The following VGLL2 variants were observed in gnomAD, a reference collection of about 807,000 sequenced individuals.
VGLL2 encodes vestigial like family member 2.
A neutral mutation model predicts 27.0 loss-of-function variants in VGLL2; 18 were observed. That is an observed-to-expected ratio of 0.67 (90% CI 0.46 to 0.99). The LOEUF (loss-of-function observed/expected upper bound fraction) is 0.99. Among genes scored for constraint, VGLL2 ranks in the 50% least tolerant of loss-of-function variants. VGLL2 has a pLI of 0.00. For missense variants in VGLL2, 491 were observed against 452.3 expected (o/e 1.09, Z -0.78); for synonymous variants, 220 against 201.1 (o/e 1.09, Z -0.80).
chr6:117,268,501 G>A lies in VGLL2; in HGVS notation c.391+10G>A. 1 of 1,584,726 alleles carries A rather than the reference G, an allele frequency of 6.3e-7. No individual in the cohort carries two copies. Among genetic ancestry groups the A allele is most frequent in the Non-Finnish European group, 8.6e-7 (1 of 1,165,134 alleles). Reference sequence around the variant, plus strand: ...TCTGGGCCCTGGCGAGGTGAGTATAGGGCCCTGCTGGGAAGGACCCATAGG... The same window carrying A: ...TCTGGGCCCTGGCGAGGTGAGTATAAGGCCCTGCTGGGAAGGACCCATAGG... On this transcript the variant is annotated intron_variant, in intron 2 of 3. Coordinates refer to ENST00000326274, the MANE Select transcript of VGLL2 (RefSeq NM_182645.3).
Position 117,270,695 on chromosome 6 carries a change from C to G in VGLL2, c.544C>G (p.Leu182Val), listed in dbSNP as rs1163980417. 1.9e-6 allele frequency: 3 copies of G among 1,538,972 alleles called. No individual in the cohort carries two copies. Among genetic ancestry groups the G allele is most frequent in the Admixed American group, 3.8e-5 (2 of 52,902 alleles). The change falls in exon 3 of 4, where the codon CTG becomes GTG. Residue 182 changes from leucine (L) to valine (V), a missense_variant. By Grantham distance (32) the Leu-to-Val change is conservative. Transcript: ENST00000326274. ...AAADPYSPAA[L>V]HGHLHQGATE... Reference sequence around the variant, plus strand: ...CGCCGACCCCTACTCGCCCGCCGCGCTGCATGGCCACCTGCACCAGGGCGC... The same window carrying G: ...CGCCGACCCCTACTCGCCCGCCGCGGTGCATGGCCACCTGCACCAGGGCGC...
chr6:117,266,050 A>AAGC (rs1773061812), intron 1 of VGLL2, among the ~76,000 whole-genome samples: 1 of 152,234 alleles, frequency 6.6e-6, no homozygotes, highest in South Asian at 2.1e-4. Context: ...TGCTCTCGGG[A>AAGC]AGCAGCTAAG....
At chr6:117,268,113 G>T in intron 1 of VGLL2, 69 bp from the exon 2 acceptor site, 1 of 1,468,542 alleles carries the variant, frequency 6.8e-7, no homozygotes, top group Non-Finnish European at 9.4e-7. Flanking sequence ...TAGGATGAGG[G>T]AATCAGTCTG....
chr6:117,272,323 G>T, intron 3 of VGLL2, 131 bp from the exon 4 acceptor site: 1 of 1,535,392 alleles, frequency 6.5e-7, no homozygotes, highest in Non-Finnish European at 8.8e-7. Flanking sequence ...GCAGCCTCAG[G>T]ACAAAAGCAA....
Position 117,268,496 on chromosome 6 carries a change from G to A in VGLL2, c.391+5G>A. 1 of 1,596,252 alleles carries A rather than the reference G, an allele frequency of 6.3e-7. No homozygotes were observed. The highest frequency in any genetic ancestry group is 8.5e-7 in the Non-Finnish European group (1 of 1,170,940). ...GGAGCTCTGGGCCCTGGCGAGGTGA[G>A]TATAGGGCCCTGCTGGGAAGGACCC... On this transcript the variant is annotated splice_donor_5th_base_variant and intron_variant, in intron 2 of 3. Transcript: ENST00000326274.
At position 117,273,504 on chromosome 6, in the gene VGLL2, TG is replaced by T. The variant is rs1398092653; in HGVS notation, c.*1013del. 1 of 152,194 alleles carries T rather than the reference TG, an allele frequency of 6.6e-6. No individual in the cohort carries two copies. The highest frequency in any genetic ancestry group is 1.5e-5 in the Non-Finnish European group (1 of 68,052). The allele number at this position is 152,194 out of a possible 1,614,324, so 9.4% of individuals were successfully genotyped here. On this transcript the variant is annotated 3_prime_UTR_variant, in exon 4 of 4. Coordinates refer to ENST00000326274, the MANE Select transcript of VGLL2 (RefSeq NM_182645.3). ...TGGGACAGGGGAAAGGGTCTGTGCG[TG>T]GGCAAAGCTGAAGGTGATGAGGAAG...
chr6:117,271,001 G>A lies in VGLL2; in HGVS notation c.850G>A (p.Gly284Arg), dbSNP rs1162789322. 6.5e-6 allele frequency: 8 copies of A among 1,231,902 alleles called. No individual in the cohort carries two copies. Among genetic ancestry groups the A allele is most frequent in the African/African-American group, 1.6e-5 (1 of 63,904 alleles). The allele number at this position is 1,231,902 out of a possible 1,614,324, so 76.3% of individuals were successfully genotyped here. A position where few individuals can be genotyped will look rare whatever the true frequency, so the allele number is the denominator to read the frequency against. Residue 284 changes from glycine to arginine, a missense_variant, in exon 3 of 4, where the codon GGG (glycine) becomes AGG (arginine). By Grantham distance (125) the Gly-to-Arg change is moderately radical (BLOSUM62 -2). Transcript: ENST00000326274. ...GGCGGGCGCCGCGTGGGCCGGGCCC[G>A]GGGGACCCTTCGCGAGCCCCTCGGG... ...EPAGAAWAGP[G>R]GPFASPSGDV...
At chr6:117,268,092 A>G in intron 1 of VGLL2, 90 bp from the exon 2 acceptor site, 4 of 1,333,338 alleles carry the variant, frequency 3.0e-6, no homozygotes, top group Non-Finnish European at 4.2e-6. Context: ...CCCCATAAAT[A>G]CCTTAGAGAT....
chr6:117,265,883 GC>G (rs775298351), intron 1 of VGLL2, 39 bp downstream of exon 1: 10 of 1,581,232 alleles, frequency 6.3e-6, no homozygotes, highest in South Asian at 1.1e-5. Flanking sequence ...AGGAGTGCGC[GC>G]CCCCCGTTTG....
At chr6:117,269,615 G>A (rs892042717) in intron 2 of VGLL2, among the ~76,000 whole-genome samples, 3 of 152,012 alleles carry the variant, frequency 2.0e-5, no homozygotes, top group Non-Finnish European at 4.4e-5. Flanking sequence ...CTAGTTTATC[G>A]TGCAGATGCC....
Position 117,272,493 on chromosome 6 carries a change from G to A in VGLL2, c.953G>A (p.Ter318=). 1.9e-6 allele frequency: 3 copies of A among 1,614,152 alleles called. No individual in the cohort carries two copies. Among genetic ancestry groups the A allele is most frequent in the Non-Finnish European group, 2.5e-6 (3 of 1,180,028 alleles). ...CTCTGTGGTGCATCCCTCCTGAGCT[G>A]ATCTGCTGACCCAGGGTTTCCCCTT... is the stretch of plus-strand genomic sequence containing the variant. ...YSLCGASLLS[*] Residue 318 remains the stop codon, a stop_retained_variant, in exon 4 of 4, where the codon TGA becomes TAA. Transcript: ENST00000326274.
At chr6:117,267,946 G>A (rs999244033) in intron 1 of VGLL2, among the ~76,000 whole-genome samples, 1 of 152,204 alleles carries the variant, frequency 6.6e-6, no homozygotes, top group African/African-American at 2.4e-5. Context: ...AGGAGTCAGA[G>A]GGACCAAGGA....
Position 117,265,789 on chromosome 6 carries a change from A to G in VGLL2, c.26A>G (p.Gln9Arg), listed in dbSNP as rs1773054632. Residue 9 changes from glutamine (Q) to arginine (R), a missense_variant, in exon 1 of 4, where the codon CAA (glutamine) becomes CGA (arginine). Physicochemically the swap from Gln to Arg is conservative, Grantham distance 43. Coordinates refer to ENST00000326274, the MANE Select transcript of VGLL2 (RefSeq NM_182645.3). ...ATGAGCTGTCTGGATGTTATGTACC[A>G]AGTCTATGGTCCTCCGCAGCCCTAC... is the stretch of plus-strand genomic sequence containing the variant. Reference protein sequence around the residue: MSCLDVMYQVYGPPQPYFA... With the variant: MSCLDVMYRVYGPPQPYFA... 6.2e-7 allele frequency: 1 copy of G among 1,613,988 alleles called. No homozygotes were observed. Among genetic ancestry groups the G allele is most frequent in the Non-Finnish European group, 8.5e-7 (1 of 1,179,994 alleles).
In VGLL2 at chr6:117,270,881, A is replaced by T. The variant is rs1480159563; in HGVS notation, c.730A>T (p.Met244Leu). The T allele has an allele frequency of 7.5e-7, 1 of 1,324,928 alleles. No individual in the cohort carries two copies. The highest frequency in any genetic ancestry group is 9.6e-7 in the Non-Finnish European group (1 of 1,037,472). The allele number at this position is 1,324,928 out of a possible 1,614,324, so 82.1% of individuals were successfully genotyped here. Reference protein sequence around the residue: ...HFDPRYGPLLMPAASGRPARL... With the variant: ...HFDPRYGPLLLPAASGRPARL... ...CGACCCGCGCTATGGGCCGCTGCTG[A>T]TGCCAGCCGCCTCGGGGCGCCCGGC... Residue 244 changes from methionine (M) to leucine (L), a missense_variant, in exon 3 of 4, where the codon ATG (methionine) becomes TTG (leucine). Transcript: ENST00000326274.
At position 117,265,662 on chromosome 6, in the gene VGLL2, G is replaced by C. The variant is rs923649934; in HGVS notation, c.-102G>C. Reference sequence around the variant, plus strand: ...GCGCGCTGGCTTTGCTCCGCCTGATGACTCCAGAGCGCGGGTCCAAGCGCC... The same window carrying C: ...GCGCGCTGGCTTTGCTCCGCCTGATCACTCCAGAGCGCGGGTCCAAGCGCC... On this transcript the variant is annotated 5_prime_UTR_variant, in exon 1 of 4. The change abolishes an upstream ATG in the 5' untranslated region. Coordinates refer to ENST00000326274, the MANE Select transcript of VGLL2 (RefSeq NM_182645.3). The C allele has an allele frequency of 1.3e-5, 12 of 954,914 alleles. No homozygotes were observed. The highest frequency in any genetic ancestry group is 2.0e-5 in the Non-Finnish European group (12 of 604,178). The allele number at this position is 954,914 out of a possible 1,614,324, so 59.2% of individuals were successfully genotyped here. A position where few individuals can be genotyped will look rare whatever the true frequency, so the allele number is the denominator to read the frequency against.
Position 117,272,596 on chromosome 6 carries a change from G to A in VGLL2, c.*102G>A, listed in dbSNP as rs1055058115. ...GTGGATGAGGACATGGGGGAAGGCA[G>A]AGACTTCAGACTTCTCAGTGTGTTG... On this transcript the variant is annotated 3_prime_UTR_variant, in exon 4 of 4. Coordinates refer to ENST00000326274, the MANE Select transcript of VGLL2 (RefSeq NM_182645.3). 7.1e-6 allele frequency: 11 copies of A among 1,550,846 alleles called. No homozygotes were observed. In the African/African-American group the frequency reaches 1.2e-4, roughly 17 times the overall value.
chr6:117,268,338 T>C lies in VGLL2; in HGVS notation c.238T>C (p.Tyr80His), dbSNP rs879054375. Residue 80 changes from tyrosine to histidine, a missense_variant, in exon 2 of 4, where the codon TAC (tyrosine) becomes CAC (histidine). Tyr to His is a moderately conservative substitution (Grantham distance 83, BLOSUM62 2). Transcript: ENST00000326274. The part of the protein sequence containing the change: ...PEKERPPEAE[Y>H]INSRCVLFTY... The stretch of plus-strand genomic sequence containing the variant: ...GAAAGAGCGCCCACCAGAGGCAGAG[T>C]ACATCAACTCCCGCTGCGTCCTCTT... 1 of 1,613,452 alleles carries C rather than the reference T, an allele frequency of 6.2e-7. No homozygotes were observed. The highest frequency in any genetic ancestry group is 1.1e-5 in the South Asian group (1 of 91,016).
chr6:117,268,944 T>C (rs1300646780), intron 2 of VGLL2, among the ~76,000 whole-genome samples: 1 of 152,178 alleles, frequency 6.6e-6, no homozygotes, highest in African/African-American at 2.4e-5. Context: ...TAAAGAGCAC[T>C]TTCCCAATCT....
intron 2 of VGLL2, 85 bp downstream of exon 2, chr6:117,268,576 T>G: frequency 1.5e-6 from 2 of 1,375,438 alleles, no homozygotes; most frequent in African/African-American, 1.5e-5. Flanking sequence ...AACATGCAGC[T>G]GAAAAGAATA....
Sources: gnomAD v4.1 joint callset for allele counts (sites outside exome capture counted in the v4.1 genomes callset) on GRCh38, gnomAD v4.1.1 for gene constraint, MANE v1.5 for transcripts, NCBI Gene and HGNC (gene_info 2026-07-23, HGNC 2026-07-21) for gene names.